Variants in ATG10 observed in about 807,000 individuals in gnomAD.
ATG10 encodes the protein autophagy related 10, also known as ubiquitin-like-conjugating enzyme ATG10.
A neutral mutation model predicts 32.1 loss-of-function variants in ATG10; 30 were observed. The observed-to-expected ratio is 0.94, with a 90% confidence interval of 0.70 to 1.27. The LOEUF is 1.27. ATG10 is among the 50% of genes most tolerant of loss of function. The pLI is 0.00. For missense variants in ATG10, 233 were observed against 262.3 expected (o/e 0.89, Z 0.77); for synonymous variants, 87 against 91.5 (o/e 0.95, Z 0.28).
intron 2 of ATG10, among the ~76,000 whole-genome samples, chr5:81,991,030 G>C (rs1470338018): frequency 4.6e-5 from 7 of 152,254 alleles, no homozygotes; most frequent in African/African-American, 1.4e-4. Context: ...TGTCTGGTAT[G>C]ACTGTGGTTT....
rs1337341643 is a variant in ATG10 at position 81,990,431 on chromosome 5, A to G, written c.108+2753A>G. Among the ~76,000 whole-genome samples the G allele has an allele frequency of 2.0e-5, 3 of 152,180 alleles. No individual in the cohort carries two copies. The East Asian group carries it at 5.8e-4, about 29-fold the overall frequency. ...GAATGTGGGAGGGGAAGGCTAGGGA[A>G]GGAGCTGGGACTGTGTATGCATTTG... is the stretch of plus-strand genomic sequence containing the variant. On this transcript the variant is annotated intron_variant, in intron 2 of 7. Transcript: ENST00000282185.
chr5:82,064,222 C>T (rs1338513429), intron 3 of ATG10, among the ~76,000 whole-genome samples: 1 of 152,158 alleles, frequency 6.6e-6, no homozygotes, highest in Non-Finnish European at 1.5e-5. Flanking sequence ...TCAAAAGATA[C>T]TTCAACTCTG....
chr5:82,209,147 G>A (rs1158838804), intron 5 of ATG10, among the ~76,000 whole-genome samples: 8 of 151,988 alleles, frequency 5.3e-5, no homozygotes, highest in Non-Finnish European at 1.2e-4. Context: ...TTTCTTCTTG[G>A]AAAGATTTTT....
At chr5:82,132,250 AT>A (rs1007147874) in intron 3 of ATG10, among the ~76,000 whole-genome samples, 5 of 151,774 alleles carry the variant, frequency 3.3e-5, no homozygotes, top group African/African-American at 9.7e-5. Context: ...TATTATTATT[AT>A]TTTTTTTTAT....
In ATG10 at chr5:82,108,385, C is replaced by CAT. The variant is rs546714012; in HGVS notation, c.216+49791_216+49792dup. ...AACCCTAGACACCTATATATATGTGCATATATATACACACAGTATATGCAA... is the reference window on the plus strand; with the variant it reads ...AACCCTAGACACCTATATATATGTGCATATATATATACACACAGTATATGCAA... On this transcript the variant is annotated intron_variant, in intron 3 of 7. Coordinates refer to ENST00000282185, the MANE Select transcript of ATG10 (RefSeq NM_031482.5). Among the ~76,000 whole-genome samples, 484 of 151,622 alleles carry CAT rather than the reference C, an allele frequency of 3.2e-3. 1 individual carries two copies. Among genetic ancestry groups the CAT allele is most frequent in the African/African-American group, 0.01 (425 of 41,326 alleles).
chr5:82,183,188 T>C (rs976437421), intron 5 of ATG10, among the ~76,000 whole-genome samples: 7 of 152,182 alleles, frequency 4.6e-5, no homozygotes, highest in African/African-American at 1.7e-4. Flanking sequence ...TATCATTAAA[T>C]AAGCAATTAA....
At chr5:82,015,380 C>T (rs1248476539) in intron 2 of ATG10, among the ~76,000 whole-genome samples, 1 of 152,180 alleles carries the variant, frequency 6.6e-6, no homozygotes. Flanking sequence ...GCCTGCCTTG[C>T]TAGGTTGGGG....
chr5:82,134,143 A>T (rs775212361), intron 3 of ATG10, among the ~76,000 whole-genome samples: 1 of 74,246 alleles, frequency 1.3e-5, no homozygotes, highest in African/African-American at 5.5e-5. Context: ...GGTTTTCTGG[A>T]TATACAATGA....
chr5:82,019,354 G>A (rs959778045), intron 2 of ATG10, among the ~76,000 whole-genome samples: 2 of 152,034 alleles, frequency 1.3e-5, no homozygotes, highest in Non-Finnish European at 2.9e-5. Context: ...AGAATTTAAT[G>A]CATATTTTAG....
chr5:82,146,123 A>G (rs764976892), intron 3 of ATG10, among the ~76,000 whole-genome samples: 22 of 152,098 alleles, frequency 1.4e-4, no homozygotes, highest in East Asian at 3.9e-4. Flanking sequence ...CCTTGTTTCT[A>G]TAGTACAGGC....
chr5:81,989,564 T>A (rs1260792447), intron 2 of ATG10, among the ~76,000 whole-genome samples: 1 of 152,152 alleles, frequency 6.6e-6, no homozygotes. Context: ...GGTTTTGTTC[T>A]TGGGTATATT....
intron 2 of ATG10, among the ~76,000 whole-genome samples, chr5:82,053,294 T>G (rs901759684): frequency 6.6e-6 from 1 of 152,206 alleles, no homozygotes; most frequent in Non-Finnish European, 1.5e-5. Context: ...TGTGTATCCT[T>G]TGCTCATTTT....
At chr5:82,136,968 A>G (rs570365105) in intron 3 of ATG10, among the ~76,000 whole-genome samples, 12 of 151,982 alleles carry the variant, frequency 7.9e-5, no homozygotes, top group African/African-American at 2.2e-4. Context: ...TTGATCTTCA[A>G]TCTCTGATAT....
chr5:82,213,135 T>G (rs566867575), intron 5 of ATG10, among the ~76,000 whole-genome samples: 9 of 152,334 alleles, frequency 5.9e-5, no homozygotes, highest in African/African-American at 1.9e-4. Context: ...TTGATTTCAT[T>G]TAGTCCTGAA....
rs989075786 is a variant in ATG10, at chr5:82,203,567, C to G, written c.453+24980C>G. Among the ~76,000 whole-genome samples, 15 of 151,992 alleles carry G rather than the reference C, an allele frequency of 9.9e-5. 1 individual carries two copies. Among genetic ancestry groups the G allele is most frequent in the African/African-American group, 3.4e-4 (14 of 41,366 alleles). On this transcript the variant is annotated intron_variant, in intron 5 of 7. Transcript: ENST00000282185. ...TGGCTGGCACTAGAAGTCTTGTGTC[C>G]TTATGTTTAAGTGCTATATATATTT...
rs936161800 is a variant in ATG10 at position 82,195,896 on chromosome 5, C to T, written c.453+17309C>T. On this transcript the variant is annotated intron_variant, in intron 5 of 7. Coordinates refer to ENST00000282185, the MANE Select transcript of ATG10 (RefSeq NM_031482.5). ...GTTTTCAGTTTTCTTGTGTATATAA[C>T]CTAGCAGTAGAATTTCTGGGTCATG... Among the ~76,000 whole-genome samples, 3 of 152,100 alleles carry T rather than the reference C, an allele frequency of 2.0e-5. No individual in the cohort carries two copies. The South Asian group carries it at 6.2e-4, about 31-fold the overall frequency.
At chr5:82,132,407 C>T (rs1307766456) in intron 3 of ATG10, among the ~76,000 whole-genome samples, 2 of 146,418 alleles carry the variant, frequency 1.4e-5, no homozygotes, top group African/African-American at 5.0e-5. Flanking sequence ...TCCCCTAGCC[C>T]CCCCACCCCA....
chr5:82,122,710 A>G (rs1164176231), intron 3 of ATG10, among the ~76,000 whole-genome samples: 1 of 152,250 alleles, frequency 6.6e-6, no homozygotes, highest in South Asian at 2.1e-4. Flanking sequence ...ACATGAACAG[A>G]CACTTTTCAA....
At chr5:82,014,715 A>G (rs1398322646) in intron 2 of ATG10, among the ~76,000 whole-genome samples, 5 of 152,108 alleles carry the variant, frequency 3.3e-5, no homozygotes, top group East Asian at 1.9e-4. Flanking sequence ...TTTTGAGCCT[A>G]TGTGTGTCTC....
Sources: allele counts gnomAD v4.1 joint callset (sites outside exome capture counted in the v4.1 genomes callset), GRCh38; gene constraint gnomAD v4.1.1; transcripts MANE v1.5; gene names NCBI Gene and HGNC (gene_info 2026-07-23, HGNC 2026-07-21).